The following PCDH7 variants were observed in gnomAD, a reference collection of about 807,000 sequenced individuals.
The protein encoded by PCDH7 is protocadherin 7.
Under a neutral mutation model 58.9 loss-of-function variants are expected in PCDH7, and 17 were observed. That is an observed-to-expected ratio of 0.29 (90% CI 0.20 to 0.43). The LOEUF is 0.43. PCDH7 is among the 20% of genes least tolerant of loss of function. The probability of loss-of-function intolerance (pLI) is 1.00; values close to 1 mark genes in which losing one functional copy is unlikely to be tolerated. For missense variants in PCDH7, 1,274 were observed against 1,441.0 expected, an observed-to-expected ratio of 0.88 and a Z score of 1.88; for synonymous variants, 664 against 616.4, an observed-to-expected ratio of 1.08 and a Z score of -1.14.
At chr4:30,739,737 C>T (rs1716824064) in intron 1 of PCDH7, among the ~76,000 whole-genome samples, 1 of 152,040 alleles carries the variant, frequency 6.6e-6, no homozygotes, top group African/African-American at 2.4e-5. Context: ...ACATGAAACA[C>T]ACAGAAAGAG....
At chr4:30,924,390 A>C (rs148430725) in intron 2 of PCDH7, among the ~76,000 whole-genome samples, 1 of 151,974 alleles carries the variant, frequency 6.6e-6, no homozygotes, top group African/African-American at 2.4e-5. Context: ...CTTACATTCA[A>C]TTTTTCTTGT....
chr4:30,911,769 T>C (rs189941476), intron 1 of PCDH7, among the ~76,000 whole-genome samples: 1 of 152,284 alleles, frequency 6.6e-6, no homozygotes, highest in Non-Finnish European at 1.5e-5. Flanking sequence ...TGAAATTCAT[T>C]ATTTTCTTCT....
chr4:30,762,630 A>T (rs557799017), intron 1 of PCDH7, among the ~76,000 whole-genome samples: 2 of 152,320 alleles, frequency 1.3e-5, no homozygotes, highest in East Asian at 3.9e-4. Context: ...TTACCCCTTG[A>T]GGATTTTCAA....
Position 30,721,514 on chromosome 4 carries a change from A to G in PCDH7, c.92A>G (p.Lys31Arg). The G allele has an allele frequency of 6.2e-7, 1 of 1,600,618 alleles. No individual in the cohort carries two copies. The highest frequency in any genetic ancestry group is 2.2e-5 in the East Asian group (1 of 44,800). Residue 31 changes from lysine (K) to arginine (R), a missense_variant, in exon 1 of 2, where the codon AAG becomes AGG. Lys to Arg is a conservative substitution (Grantham distance 26). Around this residue, in one of 3 missense-constraint regions of PCDH7, gnomAD observed 212 missense variants for 255.8 expected, o/e 0.83. Coordinates refer to ENST00000361762, the Ensembl canonical transcript of PCDH7. This position sits in a 1 kb window ranked among gnomAD's most constrained non-coding sequence, Gnocchi z 6.7. ...CTCTCGCTCAGCCTGGCGGCCGCCA[A>G]GCAGCTCCTCCGGTACCGGCTGGCC...
At position 30,722,213 on chromosome 4, in the gene PCDH7, G is replaced by C. The variant is rs1391201441; in HGVS notation, c.791G>C (p.Gly264Ala). 1.9e-6 allele frequency: 3 copies of C among 1,587,446 alleles called. No homozygotes were observed. The highest frequency in any genetic ancestry group is 2.3e-5 in the South Asian group (2 of 87,954). ...AAGCAGCCGCAGCTGATCGTGAAGGGGGCGCTGGACCGCGAGCAGCGCGAC... is the reference window on the plus strand; with the variant it reads ...AAGCAGCCGCAGCTGATCGTGAAGGCGGCGCTGGACCGCGAGCAGCGCGAC... Residue 264 changes from glycine (G) to alanine (A), a missense_variant, in exon 1 of 2, where the codon GGG becomes GCG. Gly to Ala is a moderately conservative substitution (Grantham distance 60). This residue lies in a region of PCDH7 where 331 missense variants were observed against 303.2 expected (regional missense o/e 1.09). Transcript: ENST00000361762. This position sits in a 1 kb window ranked among gnomAD's most constrained non-coding sequence, Gnocchi z 7.6.
At chr4:30,944,477 A>G (rs574550483) in intron 2 of PCDH7, among the ~76,000 whole-genome samples, 2 of 152,290 alleles carry the variant, frequency 1.3e-5, no homozygotes, top group African/African-American at 4.8e-5. Flanking sequence ...AGGGTCCTCT[A>G]TAATTTTTAA....
chr4:30,982,029 G>A (rs1750617604), intron 3 of PCDH7, among the ~76,000 whole-genome samples: 1 of 152,090 alleles, frequency 6.6e-6, no homozygotes, highest in Non-Finnish European at 1.5e-5. Context: ...AATGTATCGT[G>A]TTCTTGAAAA....
intron 1 of PCDH7, among the ~76,000 whole-genome samples, chr4:30,801,622 A>G (rs937705056): frequency 2.6e-5 from 4 of 152,214 alleles, no homozygotes; most frequent in Non-Finnish European, 5.9e-5. Context: ...TCCTAATAGC[A>G]TATTTTGTTT....
At chr4:30,750,330 C>T (rs1718343810) in intron 1 of PCDH7, among the ~76,000 whole-genome samples, 1 of 152,124 alleles carries the variant, frequency 6.6e-6, no homozygotes, top group Non-Finnish European at 1.5e-5. Context: ...CTTAACCTTG[C>T]TATAAGTCAG....
At chr4:30,802,389 G>A (rs577143866) in intron 1 of PCDH7, among the ~76,000 whole-genome samples, 3 of 152,108 alleles carry the variant, frequency 2.0e-5, no homozygotes, top group South Asian at 4.2e-4. Context: ...AGAGCAGTTC[G>A]GCAGTGGAAG....
At chr4:30,823,041 T>C (rs1041391397) in intron 1 of PCDH7, among the ~76,000 whole-genome samples, 2 of 152,152 alleles carry the variant, frequency 1.3e-5, no homozygotes, top group African/African-American at 4.8e-5. Context: ...TCACCAGAAA[T>C]GAGCTTTGCA....
In PCDH7 at chr4:31,090,774, A is replaced by C. The variant is rs1713141087; in HGVS notation, c.*8-51699A>C. 1.3e-5 allele frequency among the ~76,000 whole-genome samples: 2 copies of C among 152,012 alleles called. 1 individual carries two copies. The highest frequency in any genetic ancestry group is 4.1e-4 in the South Asian group (2 of 4,828). ...ATGAGAAGCATAGTATTTTTTAAAG[A>C]TATTTCTTGACTATTTTTTTCTGTT... On this transcript the variant is annotated intron_variant, in intron 3 of 3. Coordinates refer to the PCDH7 transcript ENST00000509759.
intron 1 of PCDH7, among the ~76,000 whole-genome samples, chr4:30,908,267 AAG>A (rs1741257815): frequency 2.0e-5 from 3 of 151,758 alleles, no homozygotes; most frequent in Admixed American, 1.3e-4. Flanking sequence ...AAGAAAAGAA[AAG>A]AGAAAAAAGA....
chr4:30,992,717 A>G (rs1310129314), intron 3 of PCDH7, among the ~76,000 whole-genome samples: 2 of 151,940 alleles, frequency 1.3e-5, no homozygotes, highest in Non-Finnish European at 2.9e-5. Context: ...CATAAAATAC[A>G]TATAACAAGC....
At chr4:31,065,157 G>A (rs769140918) in intron 3 of PCDH7, among the ~76,000 whole-genome samples, 14 of 151,910 alleles carry the variant, frequency 9.2e-5, no homozygotes, top group African/African-American at 1.4e-4. Context: ...ATTTTCCTCT[G>A]GCAATGCAAG....
intron 3 of PCDH7, among the ~76,000 whole-genome samples, chr4:30,994,424 A>G (rs1180294742): frequency 6.6e-6 from 1 of 152,210 alleles, no homozygotes; most frequent in Non-Finnish European, 1.5e-5. Flanking sequence ...AGTAGATGAA[A>G]AAAAGCAAAT....
chr4:30,740,340 T>A (rs1472880805), intron 1 of PCDH7, among the ~76,000 whole-genome samples: 2 of 152,196 alleles, frequency 1.3e-5, no homozygotes, highest in African/African-American at 2.4e-5. Context: ...TCCAATTTTT[T>A]AAAAAATAGT....
intron 1 of PCDH7, among the ~76,000 whole-genome samples, chr4:30,893,580 T>C (rs993412981): frequency 1.6e-4 from 24 of 152,122 alleles, no homozygotes; most frequent in African/African-American, 5.8e-4. Context: ...GAGCTAATAC[T>C]TCTGCAGAAA....
chr4:31,077,968 G>A (rs1759145202), intron 3 of PCDH7, among the ~76,000 whole-genome samples: 1 of 152,066 alleles, frequency 6.6e-6, no homozygotes, highest in Non-Finnish European at 1.5e-5. Flanking sequence ...AGAATTTACT[G>A]GGTTAAAGGA....
Sources: allele counts gnomAD v4.1 joint callset (sites outside exome capture counted in the v4.1 genomes callset), GRCh38; gene constraint gnomAD v4.1.1; regional missense constraint gnomAD v4.1.1; non-coding constraint Gnocchi (gnomAD v3.1); transcripts MANE v1.5; gene names NCBI Gene and HGNC (gene_info 2026-07-23, HGNC 2026-07-21).